ATF7IP2: variants seen among roughly 807,000 people sequenced by gnomAD.
The protein encoded by ATF7IP2 is activating transcription factor 7 interacting protein 2.
ATF7IP2 carries 42 observed loss-of-function variants against 64.2 expected under a neutral mutation model. The observed-to-expected ratio is 0.65, with a 90% CI of 0.51 to 0.85. The LOEUF is 0.85. Ranked by LOEUF, ATF7IP2 falls within the 40% of genes least tolerant of loss-of-function variation. The pLI is 0.00. For synonymous variants in ATF7IP2, 308 were observed against 272.8 expected, an observed-to-expected ratio of 1.13 and a Z score of -1.27; for missense variants, 933 against 784.2, an observed-to-expected ratio of 1.19 and a Z score of -2.27.
rs768876578 is a variant in ATF7IP2, at chr16:10,431,227, A to G, written c.607A>G (p.Thr203Ala). The change falls in exon 5 of 14, where the codon ACA becomes GCA. Residue 203 changes from threonine to alanine, a missense_variant. Transcript: ENST00000562102. ...KTDQMVFHLE[T>A]NSNSESHDKR... ...TGACCAGATGGTTTTCCATTTAGAAACAAACTCCAATTCAGAATCACATGA... is the reference window on the plus strand; with the variant it reads ...TGACCAGATGGTTTTCCATTTAGAAGCAAACTCCAATTCAGAATCACATGA... 1.9e-6 allele frequency: 3 copies of G among 1,614,104 alleles called. No homozygotes were observed. Among genetic ancestry groups the G allele is most frequent in the East Asian group, 2.2e-5 (1 of 44,902 alleles).
intron 2 of ATF7IP2, among the ~76,000 whole-genome samples, chr16:10,416,110 A>G (rs1330901292): frequency 6.6e-6 from 1 of 152,238 alleles, no homozygotes; most frequent in Non-Finnish European, 1.5e-5. Context: ...TATATACCCA[A>G]ATGAAAGGAA....
intron 12 of ATF7IP2, among the ~76,000 whole-genome samples, chr16:10,479,575 A>G (rs1397949135): frequency 6.6e-6 from 1 of 151,958 alleles, no homozygotes; most frequent in African/African-American, 2.4e-5. Context: ...TGGGTGCAGC[A>G]CACCAGCATG....
At chr16:10,443,153 A>G (rs2048685749) in intron 8 of ATF7IP2, among the ~76,000 whole-genome samples, 1 of 152,190 alleles carries the variant, frequency 6.6e-6, no homozygotes, top group Non-Finnish European at 1.5e-5. Flanking sequence ...CAGTACCACA[A>G]CACATCCACT....
In ATF7IP2 at chr16:10,480,898, G is replaced by A; in HGVS notation, c.1569G>A (p.Leu523=). Residue 523 remains leucine (L), a synonymous_variant, in exon 13 of 14, where the codon CTG becomes CTA. Coordinates refer to ENST00000562102, the MANE Select transcript of ATF7IP2 (RefSeq NM_001393719.1). ...NCNTESPVSP[L]ESHSKAASNS... ...TCACAGAAAGTCCAGTATCCCCCCT[G>A]GAGTCACATTCGAAAGCTGCTTCAA... 1.2e-6 allele frequency: 2 copies of A among 1,611,824 alleles called. No individual in the cohort carries two copies. Among genetic ancestry groups the A allele is most frequent in the Non-Finnish European group, 1.7e-6 (2 of 1,178,136 alleles).
At chr16:10,438,442 G>A (rs2048495908) in intron 7 of ATF7IP2, among the ~76,000 whole-genome samples, 1 of 147,436 alleles carries the variant, frequency 6.8e-6, no homozygotes, top group South Asian at 2.1e-4. Context: ...TTTTAGAGAT[G>A]AGGTTTCACC....
intron 8 of ATF7IP2, among the ~76,000 whole-genome samples, chr16:10,444,383 G>C (rs958757541): frequency 6.6e-6 from 1 of 152,170 alleles, no homozygotes; most frequent in Non-Finnish European, 1.5e-5. Context: ...AGGGGCACTA[G>C]ATAAGGTCTC....
intron 8 of ATF7IP2, among the ~76,000 whole-genome samples, chr16:10,440,946 G>T (rs8055799): frequency 6.6e-6 from 1 of 151,926 alleles, no homozygotes. Context: ...GTTCCCCTCC[G>T]TGTGTCCATG....
intron 9 of ATF7IP2, among the ~76,000 whole-genome samples, chr16:10,467,140 CT>C (rs1352095011): frequency 6.6e-6 from 1 of 152,150 alleles, no homozygotes; most frequent in Non-Finnish European, 1.5e-5. Flanking sequence ...CCTTCTACCT[CT>C]AGTTCACTCT....
At position 10,422,788 on chromosome 16, in the gene ATF7IP2, G is replaced by A. The variant is rs150207142; in HGVS notation, c.-160+3165G>A. Among the ~76,000 whole-genome samples, 226 of 152,208 alleles carry A rather than the reference G, an allele frequency of 1.5e-3. 9 individuals are homozygous for A. In the East Asian group the frequency reaches 0.042, roughly 28 times the overall value. On this transcript the variant is annotated intron_variant, in intron 3 of 13. Transcript: ENST00000562102. ...TTTGTGCTTCCAAATCCTCCTGTTCGTTTAGTTTCACTTTTCCCCATTTCC... is the reference window on the plus strand; with the variant it reads ...TTTGTGCTTCCAAATCCTCCTGTTCATTTAGTTTCACTTTTCCCCATTTCC...
intron 1 of ATF7IP2, among the ~76,000 whole-genome samples, chr16:10,404,647 G>C (rs1415448511): frequency 6.6e-6 from 1 of 152,160 alleles, no homozygotes; most frequent in African/African-American, 2.4e-5. Context: ...GGTTTAAGCA[G>C]TTCTCATGCC....
intron 2 of ATF7IP2, among the ~76,000 whole-genome samples, chr16:10,416,276 AG>A (rs1294963651): frequency 1.3e-5 from 2 of 152,248 alleles, no homozygotes; most frequent in African/African-American, 2.4e-5. Context: ...GCCATGCAAA[AG>A]AATGAGATCT....
intron 8 of ATF7IP2, among the ~76,000 whole-genome samples, chr16:10,441,955 G>C (rs527574862): frequency 1.3e-4 from 20 of 152,358 alleles, no homozygotes; most frequent in African/African-American, 4.8e-4. Context: ...CATCAGTCAT[G>C]ATCGCAAAAG....
intron 12 of ATF7IP2, among the ~76,000 whole-genome samples, chr16:10,476,908 G>T (rs558640573): frequency 1.2e-3 from 184 of 152,172 alleles, no homozygotes; most frequent in African/African-American, 4.1e-3. Context: ...TCATTGATGG[G>T]CTTTTGGGTT....
At chr16:10,401,649 T>C (rs185445964) in intron 1 of ATF7IP2, among the ~76,000 whole-genome samples, 118 of 152,220 alleles carry the variant, frequency 7.8e-4, no homozygotes, top group African/African-American at 2.6e-3. Context: ...TCCTTTTTTT[T>C]CCCTCTTTTT....
At chr16:10,429,529 T>C (rs1446623574) in intron 4 of ATF7IP2, among the ~76,000 whole-genome samples, 6 of 151,872 alleles carry the variant, frequency 4.0e-5, no homozygotes, top group Admixed American at 3.9e-4. Context: ...TTTGTATTTT[T>C]AATAGAGATG....
chr16:10,481,358 GT>G (rs914126256), intron 13 of ATF7IP2, among the ~76,000 whole-genome samples: 2 of 37,042 alleles, frequency 5.4e-5, no homozygotes, highest in Admixed American at 3.1e-4. Context: ...AGCCTCCCGA[GT>G]AGCTGGGATT....
At chr16:10,455,329 T>A (rs1235416986) in intron 8 of ATF7IP2, among the ~76,000 whole-genome samples, 3 of 152,056 alleles carry the variant, frequency 2.0e-5, no homozygotes, top group South Asian at 2.1e-4. Context: ...AATGGGACAA[T>A]GGAAGCAGAG....
intron 1 of ATF7IP2, among the ~76,000 whole-genome samples, chr16:10,411,438 C>G (rs2047758215): frequency 6.6e-6 from 1 of 151,282 alleles, no homozygotes; most frequent in African/African-American, 2.4e-5. Context: ...CTGTGTCACC[C>G]AGGCTGAAGT....
At chr16:10,439,956 G>A (rs2048558208) in intron 7 of ATF7IP2, among the ~76,000 whole-genome samples, 1 of 151,356 alleles carries the variant, frequency 6.6e-6, no homozygotes, top group South Asian at 2.1e-4. Context: ...GGGGTCAGGA[G>A]TTCAAACCAG....
Sources: allele counts gnomAD v4.1 joint callset (sites outside exome capture counted in the v4.1 genomes callset), GRCh38; gene constraint gnomAD v4.1.1; transcripts MANE v1.5; gene names NCBI Gene and HGNC (gene_info 2026-07-23, HGNC 2026-07-21).